The following TRIM23 variants were observed in gnomAD, a reference collection of about 807,000 sequenced individuals.
TRIM23 encodes tripartite motif containing 23, also known as E3 ubiquitin-protein ligase TRIM23.
A neutral mutation model predicts 71.0 loss-of-function variants in TRIM23; 27 were observed. The observed-to-expected ratio is 0.38, with a 90% confidence interval of 0.28 to 0.52. The LOEUF is 0.52. Among genes scored for constraint, TRIM23 ranks in the 20% least tolerant of loss-of-function variants. The probability of loss-of-function intolerance (pLI) is 0.84; values close to 1 mark genes in which losing one functional copy is unlikely to be tolerated. For synonymous variants in TRIM23, 234 were observed against 238.0 expected (o/e 0.98, Z 0.16); for missense variants, 482 against 692.3 (o/e 0.70, Z 3.41).
intron 5 of TRIM23, among the ~76,000 whole-genome samples, chr5:65,610,006 C>T (rs534494492): frequency 6.6e-6 from 1 of 152,266 alleles, no homozygotes; most frequent in East Asian, 1.9e-4. Context: ...CTTCAAAATA[C>T]ACCCAAAATC....
intron 2 of TRIM23, among the ~76,000 whole-genome samples, chr5:65,614,799 A>G (rs1002056031): frequency 6.6e-6 from 1 of 152,182 alleles, no homozygotes; most frequent in African/African-American, 2.4e-5. Context: ...CTGCACAACA[A>G]TATGAATGTA....
chr5:65,612,632 A>G (rs1434432566), intron 3 of TRIM23, among the ~76,000 whole-genome samples: 2 of 152,142 alleles, frequency 1.3e-5, no homozygotes, highest in African/African-American at 4.8e-5. Flanking sequence ...CAGCCTGGCC[A>G]ACATGGGGAA....
intron 5 of TRIM23, 28 bp downstream of exon 5, chr5:65,610,833 G>T (rs1754630309): frequency 6.5e-7 from 1 of 1,538,188 alleles, no homozygotes; most frequent in South Asian, 1.2e-5. Context: ...AAAAGAATGA[G>T]AAAGTGAAGA....
rs1754054646 is a variant in TRIM23, at chr5:65,592,075, C to T, written c.1546-127G>A. 7 of 890,436 alleles carry T rather than the reference C, an allele frequency of 7.9e-6. No individual in the cohort carries two copies. The Admixed American group carries it at 8.8e-5, about 11-fold the overall frequency. 55.2% of individuals were successfully genotyped at this position (890,436 alleles called of 1,614,324 possible). Reference sequence around the variant, plus strand: ...GCCTAAACAAAAAACCTAGATTCATCTTTCAGTAATTATTCTGAGATTAAT... The same window carrying T: ...GCCTAAACAAAAAACCTAGATTCATTTTTCAGTAATTATTCTGAGATTAAT... On this transcript the variant is annotated intron_variant, in intron 10 of 10. Coordinates refer to ENST00000231524, the MANE Select transcript of TRIM23 (RefSeq NM_001656.4).
At chr5:65,605,852 G>A (rs138351487) in intron 6 of TRIM23, among the ~76,000 whole-genome samples, 99 of 152,280 alleles carry the variant, frequency 6.5e-4, no homozygotes, top group Admixed American at 1.8e-3. Flanking sequence ...TGTTTCAGTT[G>A]TTCAGGACAA....
intron 1 of TRIM23, 130 bp downstream of exon 1, chr5:65,624,064 T>C (rs1755037248): frequency 4.9e-6 from 5 of 1,024,746 alleles, no homozygotes; most frequent in Non-Finnish European, 5.8e-6. Flanking sequence ...ACGAGACTTG[T>C]AATGCCAAAA....
Position 65,609,253 on chromosome 5 carries a change from G to A in TRIM23, c.1034C>T (p.Thr345Ile), listed in dbSNP as rs1388670378. ...ATTTAAACTACCTACCTGCTGCAAAGTCTTTTCACAGTGGAGGCAGGCTGC... is the reference window on the plus strand; with the variant it reads ...ATTTAAACTACCTACCTGCTGCAAAATCTTTTCACAGTGGAGGCAGGCTGC... ...VSAACLHCEK[T>I]LQQDDCRVVL... Residue 345 changes from threonine to isoleucine, a missense_variant, in exon 6 of 11, where the codon ACT (threonine) becomes ATT (isoleucine). By Grantham distance (89) the Thr-to-Ile change is moderately conservative. Around this residue, in one of 2 missense-constraint regions of TRIM23, gnomAD observed 307 missense variants for 495.8 expected, o/e 0.62. Transcript: ENST00000231524. 1 of 1,614,126 alleles carries A rather than the reference G, an allele frequency of 6.2e-7. No individual in the cohort carries two copies. Among genetic ancestry groups the A allele is most frequent in the Admixed American group, 1.7e-5 (1 of 60,008 alleles).
rs1048674833 is a variant in TRIM23, at chr5:65,590,781, T to TG, written c.*987dup. On this transcript the variant is annotated 3_prime_UTR_variant, in exon 11 of 11. Transcript: ENST00000231524. The stretch of plus-strand genomic sequence containing the variant: ...ATTGTCAAAATAAATGCACTTATTT[T>TG]GGGAAACAGTTTGAAGTAAGTAATA... The TG allele has an allele frequency of 2.1e-5, 21 of 985,384 alleles. No individual in the cohort carries two copies. Among genetic ancestry groups the TG allele is most frequent in the Non-Finnish European group, 2.5e-5 (21 of 829,900 alleles). The allele number at this position is 985,384 out of a possible 1,614,324, so 61.0% of individuals were successfully genotyped here.
At chr5:65,604,828 T>A (rs983956820) in intron 7 of TRIM23, 83 bp downstream of exon 7, 24 of 1,307,740 alleles carry the variant, frequency 1.8e-5, no homozygotes, top group Non-Finnish European at 2.3e-5. Context: ...TTCATGGTTG[T>A]CTCTTTAAGG....
Position 65,618,088 on chromosome 5 carries a change from C to T in TRIM23, c.244+5G>A, listed in dbSNP as rs1327983658. The T allele has an allele frequency of 6.3e-7, 1 of 1,587,652 alleles. No individual in the cohort carries two copies. Among genetic ancestry groups the T allele is most frequent in the African/African-American group, 1.4e-5 (1 of 73,456 alleles). On this transcript the variant is annotated splice_donor_5th_base_variant and intron_variant, in intron 2 of 10. Transcript: ENST00000231524. ...ATCTTAAATCCATACAAATACTTTT[C>T]CTACCTAGGTCTGTTACTTGTCGAT...
intron 10 of TRIM23, among the ~76,000 whole-genome samples, chr5:65,593,029 A>C (rs1754087905): frequency 6.6e-6 from 1 of 151,348 alleles, no homozygotes; most frequent in Admixed American, 6.6e-5. Flanking sequence ...TATCTGTAGG[A>C]TAACCTTTGG....
chr5:65,612,652 C>T (rs1463246033), intron 3 of TRIM23, among the ~76,000 whole-genome samples: 1 of 152,088 alleles, frequency 6.6e-6, no homozygotes, highest in Non-Finnish European at 1.5e-5. Flanking sequence ...AAGTCCATCT[C>T]TACTAAACAT....
chr5:65,611,673 T>TAGA lies in TRIM23; in HGVS notation c.574_575insTCT (p.Glu192delinsValTer), dbSNP rs1331531849. On this transcript the variant is annotated stop_gained and protein_altering_variant, in exon 4 of 11. Transcript: ENST00000231524. LOFTEE classifies it high-confidence loss of function. Reference sequence around the variant, plus strand: ...GAGTGGGCTAGTTTGACAACCTTCTTCCAAGCAAACAAACTCAATGGCATG... The same window carrying TAGA: ...GAGTGGGCTAGTTTGACAACCTTCTTAGACCAAGCAAACAAACTCAATGGCATG... 6.2e-7 allele frequency: 1 copy of TAGA among 1,614,064 alleles called. No individual in the cohort carries two copies. The highest frequency in any genetic ancestry group is 8.5e-7 in the Non-Finnish European group (1 of 1,180,036).
intron 2 of TRIM23, among the ~76,000 whole-genome samples, chr5:65,617,849 T>C (rs1754815210): frequency 6.6e-6 from 1 of 152,202 alleles, no homozygotes; most frequent in Non-Finnish European, 1.5e-5. Flanking sequence ...TTTTCTCAGG[T>C]GTCTTAAAGC....
chr5:65,596,061 G>C (rs1176076003), intron 9 of TRIM23, among the ~76,000 whole-genome samples: 1 of 152,114 alleles, frequency 6.6e-6, no homozygotes, highest in Admixed American at 6.5e-5. Context: ...GAGTTTAACT[G>C]AATTCAGCAG....
At chr5:65,621,268 T>C (rs1340626716) in intron 1 of TRIM23, among the ~76,000 whole-genome samples, 1 of 152,046 alleles carries the variant, frequency 6.6e-6, no homozygotes, top group South Asian at 2.1e-4. Flanking sequence ...AGGAGAATGG[T>C]ATGAACCTAA....
At chr5:65,593,551 C>A (rs1754102565) in intron 10 of TRIM23, among the ~76,000 whole-genome samples, 1 of 152,122 alleles carries the variant, frequency 6.6e-6, no homozygotes, top group Admixed American at 6.6e-5. Context: ...CTTAAATATA[C>A]CAGTTCTTAA....
At position 65,614,207 on chromosome 5, in the gene TRIM23, A is replaced by G. The variant is rs1205290230; in HGVS notation, c.257T>C (p.Val86Ala). 6.2e-7 allele frequency: 1 copy of G among 1,613,480 alleles called. No homozygotes were observed. The highest frequency in any genetic ancestry group is 8.5e-7 in the Non-Finnish European group (1 of 1,179,464). Residue 86 changes from valine (V) to alanine (A), a missense_variant, in exon 3 of 11, where the codon GTC becomes GCC. Val to Ala is a moderately conservative substitution (Grantham distance 64, BLOSUM62 0). This residue lies in a region of TRIM23 where 175 missense variants were observed against 196.5 expected (regional missense o/e 0.89). Transcript: ENST00000231524. ...RQVTDLGDSGVWGLKKNFALL... is the reference protein window; with the variant it reads ...RQVTDLGDSGAWGLKKNFALL... ...AGCAAAATTTTTTTTCAATCCCCAG[A>G]CACCTGAATCACCTAGAATAAATAT...
At position 65,610,067 on chromosome 5, in the gene TRIM23, T is replaced by C. The variant is rs144218961; in HGVS notation, c.829-609A>G. Among the ~76,000 whole-genome samples the C allele has an allele frequency of 1.5e-3, 234 of 152,322 alleles. 2 individuals carry two copies. The highest frequency in any genetic ancestry group is 5.2e-3 in the African/African-American group (217 of 41,574). ...TACCTATCCAATCAATATTAACAAT[T>C]AATCACTAAGACCTATCTATTCTAC... On this transcript the variant is annotated intron_variant, in intron 5 of 10. Transcript: ENST00000231524.
Sources: allele counts gnomAD v4.1 joint callset (sites outside exome capture counted in the v4.1 genomes callset), GRCh38; gene constraint gnomAD v4.1.1; regional missense constraint gnomAD v4.1.1; transcripts MANE v1.5; gene names NCBI Gene and HGNC (gene_info 2026-07-23, HGNC 2026-07-21).